GRIK2: variants seen among roughly 807,000 people sequenced by gnomAD.
GRIK2 encodes glutamate ionotropic receptor kainate type subunit 2.
A neutral mutation model predicts 100.3 loss-of-function variants in GRIK2; 32 were observed. The observed-to-expected ratio is 0.32, with a 90% CI of 0.24 to 0.43. GRIK2 has a LOEUF of 0.43. GRIK2 is among the 20% of genes least tolerant of loss of function. The pLI is 1.00. For synonymous variants in GRIK2, 417 were observed against 389.4 expected (o/e 1.07, Z -0.83); for missense variants, 843 against 1,114.9 (o/e 0.76, Z 3.47).
At chr6:101,687,794 T>C (rs184250063) in intron 7 of GRIK2, among the ~76,000 whole-genome samples, 3 of 151,730 alleles carry the variant, frequency 2.0e-5, no homozygotes, top group Non-Finnish European at 4.4e-5. Context: ...AGTTGAACAG[T>C]TCTAGTAGTT....
At chr6:101,962,452 A>G (rs1173947706) in intron 14 of GRIK2, among the ~76,000 whole-genome samples, 1 of 152,144 alleles carries the variant, frequency 6.6e-6, no homozygotes, top group Non-Finnish European at 1.5e-5. Context: ...ATGGCCTGGA[A>G]TGTAGACTAC....
chr6:101,850,897 T>C (rs1283734494), intron 10 of GRIK2, among the ~76,000 whole-genome samples: 1 of 151,928 alleles, frequency 6.6e-6, no homozygotes, highest in Non-Finnish European at 1.5e-5. Flanking sequence ...TTTGGTACCA[T>C]TTTTCTTCTC....
At chr6:101,906,450 A>G (rs1788237016) in intron 12 of GRIK2, among the ~76,000 whole-genome samples, 1 of 151,220 alleles carries the variant, frequency 6.6e-6, no homozygotes, top group South Asian at 2.1e-4. Flanking sequence ...ATTTACTCCC[A>G]AATTTTTGAG....
At chr6:101,722,594 T>G (rs1224554063) in intron 7 of GRIK2, among the ~76,000 whole-genome samples, 1 of 152,086 alleles carries the variant, frequency 6.6e-6, no homozygotes, top group East Asian at 1.9e-4. Context: ...TTTAGTTCCA[T>G]TTTATAAGGC....
chr6:101,655,568 A>T (rs1184777578), intron 4 of GRIK2, among the ~76,000 whole-genome samples: 3 of 152,334 alleles, frequency 2.0e-5, no homozygotes, highest in African/African-American at 7.2e-5. Context: ...CCTCGTAGTA[A>T]GTTGTCATAA....
rs3029099 is a variant in GRIK2, at chr6:101,963,278, A to ATTTTTTTTTTTTTTTT, written c.2085+34668_2085+34683dup. Among the ~76,000 whole-genome samples, 2 of 27,844 alleles carry ATTTTTTTTTTTTTTTT rather than the reference A, an allele frequency of 7.2e-5. 1 individual carries two copies. The highest frequency in any genetic ancestry group is 1.4e-4 in the Non-Finnish European group (2 of 14,018). The allele number at this position is 27,844 out of a possible 152,430, so 18.3% of individuals were successfully genotyped here. On this transcript the variant is annotated intron_variant, in intron 14 of 16. Transcript: ENST00000369134. ...TATTTCATATTTATACTTATTTAGG[A>ATTTTTTTTTTTTTTTT]TTTTTTTTTTTTTTTTTTTTTTTTT...
intron 2 of GRIK2, among the ~76,000 whole-genome samples, chr6:101,454,235 T>C (rs1017558664): frequency 3.9e-5 from 6 of 152,114 alleles, no homozygotes; most frequent in African/African-American, 1.4e-4. Flanking sequence ...CTTTTTACTT[T>C]CCGTCAAGAC....
At chr6:101,579,061 A>C (rs1467772645) in intron 2 of GRIK2, among the ~76,000 whole-genome samples, 1 of 152,132 alleles carries the variant, frequency 6.6e-6, no homozygotes, top group Non-Finnish European at 1.5e-5. Context: ...TGTAGGTTAT[A>C]TGTGTGTACT....
chr6:101,666,133 A>G (rs537383914), intron 4 of GRIK2, among the ~76,000 whole-genome samples: 1 of 152,318 alleles, frequency 6.6e-6, no homozygotes, highest in South Asian at 2.1e-4. Flanking sequence ...TGCTAGAATG[A>G]GTCACAGAGT....
chr6:101,723,247 T>C (rs116318541), intron 7 of GRIK2, among the ~76,000 whole-genome samples: 9,270 of 152,014 alleles, frequency 0.061, 404 homozygotes, highest in South Asian at 0.17. Context: ...AGGCATAGTG[T>C]TTCACAAAAA....
chr6:101,936,140 G>T (rs1790601837), intron 14 of GRIK2, among the ~76,000 whole-genome samples: 1 of 151,888 alleles, frequency 6.6e-6, no homozygotes, highest in Non-Finnish European at 1.5e-5. Context: ...AATGTATCTG[G>T]GCAGTAAGGT....
chr6:101,626,661 G>T, intron 4 of GRIK2, 24 bp downstream of exon 4: 1 of 1,596,132 alleles, frequency 6.3e-7, no homozygotes, highest in South Asian at 1.1e-5. Context: ...GTATCTTTTG[G>T]AGCTATGCTT....
At chr6:102,022,474 C>A (rs1294939473) in intron 14 of GRIK2, among the ~76,000 whole-genome samples, 1 of 151,648 alleles carries the variant, frequency 6.6e-6, no homozygotes, top group Non-Finnish European at 1.5e-5. Context: ...TGTGAGTAAG[C>A]CATGATTGTG....
chr6:101,760,031 G>A lies in GRIK2; in HGVS notation c.952-39617G>A, dbSNP rs1047958669. 2.2e-5 allele frequency among the ~76,000 whole-genome samples: 3 copies of A among 138,536 alleles called. 1 individual carries two copies. The highest frequency in any genetic ancestry group is 8.9e-5 in the African/African-American group (3 of 33,794). 90.9% of individuals were successfully genotyped at this position (138,536 alleles called of 152,430 possible). On this transcript the variant is annotated intron_variant, in intron 7 of 16. Transcript: ENST00000369134. Reference sequence around the variant, plus strand: ...ACTACAGGCGCCCGCCACCGCGCCCGGCTAATTTTTTGTATTTTTAGTAGA... The same window carrying A: ...ACTACAGGCGCCCGCCACCGCGCCCAGCTAATTTTTTGTATTTTTAGTAGA...
chr6:101,895,602 G>C (rs1481668039), intron 12 of GRIK2, among the ~76,000 whole-genome samples: 4 of 151,656 alleles, frequency 2.6e-5, no homozygotes, highest in Non-Finnish European at 5.9e-5. Flanking sequence ...TAACTGTTTT[G>C]GTGGGATGTT....
rs561800948 is a variant in GRIK2, at chr6:101,776,433, T to C, written c.952-23215T>C. Among the ~76,000 whole-genome samples the C allele has an allele frequency of 1.2e-3, 183 of 152,320 alleles. 2 individuals carry two copies. The highest frequency in any genetic ancestry group is 4.1e-3 in the African/African-American group (172 of 41,582). Reference sequence around the variant, plus strand: ...AGAGAAGACAGACAAATAAGGGTTATGGTTATATTACAAAACCGGTATAAA... The same window carrying C: ...AGAGAAGACAGACAAATAAGGGTTACGGTTATATTACAAAACCGGTATAAA... On this transcript the variant is annotated intron_variant, in intron 7 of 16. Coordinates refer to ENST00000369134, the MANE Select transcript of GRIK2 (RefSeq NM_021956.5).
chr6:101,396,499 G>GT (rs1397665829), intron 1 of GRIK2, among the ~76,000 whole-genome samples: 11 of 152,098 alleles, frequency 7.2e-5, no homozygotes, highest in South Asian at 2.1e-4. Flanking sequence ...AATATAAGTA[G>GT]TTTTTTTAAC....
At chr6:101,665,438 G>C (rs115716966) in intron 4 of GRIK2, among the ~76,000 whole-genome samples, 12 of 152,286 alleles carry the variant, frequency 7.9e-5, no homozygotes, top group Non-Finnish European at 1.3e-4. Context: ...GTCTGCTTTG[G>C]AGTTCATTGT....
chr6:101,504,839 A>G (rs993164056), intron 2 of GRIK2, among the ~76,000 whole-genome samples: 1 of 152,136 alleles, frequency 6.6e-6, no homozygotes, highest in Admixed American at 6.6e-5. Context: ...TTTCATACAT[A>G]CCATCAGAAA....
Sources: gnomAD v4.1 joint callset for allele counts (sites outside exome capture counted in the v4.1 genomes callset) on GRCh38, gnomAD v4.1.1 for gene constraint, MANE v1.5 for transcripts, NCBI Gene and HGNC (gene_info 2026-07-23, HGNC 2026-07-21) for gene names.